The following ZNF431 variants were observed in gnomAD, a reference collection of about 807,000 sequenced individuals.
ZNF431 encodes the protein zinc finger protein 431.
A neutral mutation model predicts 57.0 loss-of-function variants in ZNF431; 34 were observed. The observed-to-expected ratio is 0.60, with a 90% confidence interval of 0.45 to 0.79. The LOEUF is 0.79. Ranked by LOEUF, ZNF431 falls within the 30% of genes least tolerant of loss-of-function variation. The pLI is 0.00. For synonymous variants in ZNF431, 207 were observed against 220.3 expected (o/e 0.94, Z 0.54); for missense variants, 607 against 667.1 (o/e 0.91, Z 0.99).
rs1229760863 is a variant in ZNF431 at position 21,193,502 on chromosome 19, A to C, written c.*9468A>C. The C allele has an allele frequency of 6.6e-6, 1 of 152,260 alleles. No individual in the cohort carries two copies. The highest frequency in any genetic ancestry group is 1.5e-5 in the Non-Finnish European group (1 of 68,068). 9.4% of individuals were successfully genotyped at this position (152,260 alleles called of 1,614,324 possible). On this transcript the variant is annotated 3_prime_UTR_variant, in exon 5 of 5. Transcript: ENST00000311048. Reference sequence around the variant, plus strand: ...AGATCGCGCCATTGCACTCCAGCCTAGGCAATGAGTGAAACTCCATCTCAA... The same window carrying C: ...AGATCGCGCCATTGCACTCCAGCCTCGGCAATGAGTGAAACTCCATCTCAA...
chr19:21,150,091 G>A (rs1970227892), intron 2 of ZNF431: 6 of 639,060 alleles, frequency 9.4e-6, no homozygotes, highest in Middle Eastern at 4.4e-4. Context: ...CTTTCTTCTC[G>A]GCCCGGGCCA....
chr19:21,188,452 C>G lies in ZNF431; in HGVS notation c.*4418C>G, dbSNP rs1001307441. On this transcript the variant is annotated 3_prime_UTR_variant, in exon 5 of 5. Transcript: ENST00000311048. ...AGTAAACAATTTTAAAGTTAATTTT[C>G]TATGATATACTTACAGCACAACTTA... The G allele has an allele frequency of 6.6e-6, 1 of 152,040 alleles. No homozygotes were observed. The highest frequency in any genetic ancestry group is 2.4e-5 in the African/African-American group (1 of 41,396). The allele number at this position is 152,040 out of a possible 1,614,324, so 9.4% of individuals were successfully genotyped here.
intron 2 of ZNF431, among the ~76,000 whole-genome samples, chr19:21,148,403 G>A (rs1335596013): frequency 6.6e-6 from 1 of 152,172 alleles, no homozygotes; most frequent in Non-Finnish European, 1.5e-5. Context: ...TGTTAGAGTA[G>A]ATCAGTGCTT....
intron 1 of ZNF431, among the ~76,000 whole-genome samples, chr19:21,143,177 C>T (rs1224493438): frequency 6.6e-6 from 1 of 151,868 alleles, no homozygotes; most frequent in Non-Finnish European, 1.5e-5. Flanking sequence ...TTTTCTATAC[C>T]GTATTTTAAT....
At chr19:21,149,945 A>T (rs559770533) in intron 2 of ZNF431, 2 of 599,164 alleles carry the variant, frequency 3.3e-6, no homozygotes, top group Non-Finnish European at 6.2e-6. Flanking sequence ...CAAGAAGACA[A>T]CCAGCTTGAT....
chr19:21,172,484 G>A (rs929323614), intron 4 of ZNF431, among the ~76,000 whole-genome samples: 1 of 151,104 alleles, frequency 6.6e-6, no homozygotes, highest in African/African-American at 2.4e-5. Flanking sequence ...ATAAAATTTA[G>A]CATCTTAAAT....
At chr19:21,165,092 CAAAAA>C (rs58552017) in intron 2 of ZNF431, among the ~76,000 whole-genome samples, 2 of 132,918 alleles carry the variant, frequency 1.5e-5, no homozygotes, top group Admixed American at 7.6e-5. Flanking sequence ...CTGGGCAACT[CAAAAA>C]AAAAAAAAAA....
chr19:21,189,123 T>G lies in ZNF431; in HGVS notation c.*5089T>G, dbSNP rs1163447676. ...TAATGTGACAGGTAGAATCTGTACTTTTTCTGTAGAACGTAATATTTTGAA... is the reference window on the plus strand; with the variant it reads ...TAATGTGACAGGTAGAATCTGTACTGTTTCTGTAGAACGTAATATTTTGAA... On this transcript the variant is annotated 3_prime_UTR_variant, in exon 5 of 5. Coordinates refer to ENST00000311048, the MANE Select transcript of ZNF431 (RefSeq NM_133473.4). The G allele has an allele frequency of 1.3e-5, 2 of 152,218 alleles. No homozygotes were observed. Among genetic ancestry groups the G allele is most frequent in the African/African-American group, 4.8e-5 (2 of 41,456 alleles). 9.4% of individuals were successfully genotyped at this position (152,218 alleles called of 1,614,324 possible).
intron 4 of ZNF431, chr19:21,175,467 A>C (rs759740694): frequency 2.7e-5 from 19 of 695,666 alleles, no homozygotes; most frequent in Non-Finnish European, 4.2e-5. Context: ...CATGTGCAGG[A>C]TGTGCAGGTT....
chr19:21,148,299 A>G (rs2144928790), intron 2 of ZNF431, among the ~76,000 whole-genome samples: 1 of 152,258 alleles, frequency 6.6e-6, no homozygotes, highest in African/African-American at 2.4e-5. Flanking sequence ...CCGGCCTCTT[A>G]ATGAATCTTT....
At chr19:21,169,823 C>T (rs139230916) in intron 4 of ZNF431, 89 of 398,524 alleles carry the variant, frequency 2.2e-4, no homozygotes, top group African/African-American at 1.4e-3. Flanking sequence ...TCATGATCTG[C>T]GGCTCAGAGA....
chr19:21,153,896 A>G (rs1305774775), intron 2 of ZNF431, among the ~76,000 whole-genome samples: 1 of 152,156 alleles, frequency 6.6e-6, no homozygotes, highest in South Asian at 2.1e-4. Flanking sequence ...TTGTATTTTT[A>G]GTAGAGACGG....
chr19:21,180,939 CA>C (rs1213904711), intron 4 of ZNF431, among the ~76,000 whole-genome samples: 1 of 116,354 alleles, frequency 8.6e-6, no homozygotes, highest in Non-Finnish European at 1.8e-5. Flanking sequence ...GACTCCATAT[CA>C]AAAGAAAAAA....
At chr19:21,163,798 G>C (rs1286171933) in intron 2 of ZNF431, among the ~76,000 whole-genome samples, 1 of 152,110 alleles carries the variant, frequency 6.6e-6, no homozygotes, top group African/African-American at 2.4e-5. Flanking sequence ...GGGATTACAG[G>C]CGTGAGTCAC....
Position 21,183,684 on chromosome 19 carries a change from T to C in ZNF431, c.1381T>C (p.Cys461Arg). The stretch of plus-strand genomic sequence containing the variant: ...AGAGAAACCTTACAAATGTGAAGAA[T>C]GTGGCAAAGCTTTTAGCCAGTCATC... ...TGEKPYKCEE[C>R]GKAFSQSSIL... The change falls in exon 5 of 5, where the codon TGT becomes CGT. Residue 461 changes from cysteine to arginine, a missense_variant. Transcript: ENST00000311048. 3 of 1,613,798 alleles carry C rather than the reference T, an allele frequency of 1.9e-6. No individual in the cohort carries two copies. The highest frequency in any genetic ancestry group is 2.5e-6 in the Non-Finnish European group (3 of 1,179,998).
At chr19:21,173,707 G>C (rs1053452956) in intron 4 of ZNF431, among the ~76,000 whole-genome samples, 3 of 151,680 alleles carry the variant, frequency 2.0e-5, no homozygotes, top group Admixed American at 2.0e-4. Flanking sequence ...TATATTTTTA[G>C]TAGAGATGGG....
In ZNF431 at chr19:21,142,177, C is replaced by T. The variant is rs562494198; in HGVS notation, c.-7C>T. 1 of 1,613,056 alleles carries T rather than the reference C, an allele frequency of 6.2e-7. No individual in the cohort carries two copies. The highest frequency in any genetic ancestry group is 8.5e-7 in the Non-Finnish European group (1 of 1,179,314). On this transcript the variant is annotated 5_prime_UTR_variant, in exon 1 of 5. Coordinates refer to ENST00000311048, the MANE Select transcript of ZNF431 (RefSeq NM_133473.4). ...CTAAGACACCGGGACCCCCTGAAAGCCTAGAAATGGTGAGAGTGCCGGGTC... is the reference window on the plus strand; with the variant it reads ...CTAAGACACCGGGACCCCCTGAAAGTCTAGAAATGGTGAGAGTGCCGGGTC...
chr19:21,185,389 T>C lies in ZNF431; in HGVS notation c.*1355T>C, dbSNP rs1971343406. On this transcript the variant is annotated 3_prime_UTR_variant, in exon 5 of 5. Transcript: ENST00000311048. The stretch of plus-strand genomic sequence containing the variant: ...GAAATTATTTCCTGTTGTTTCTTCA[T>C]TCCTATTGGATTCACATGTGAAAGC... 6.6e-6 allele frequency: 1 copy of C among 152,236 alleles called. No homozygotes were observed. Among genetic ancestry groups the C allele is most frequent in the African/African-American group, 2.4e-5 (1 of 41,472 alleles). The allele number at this position is 152,236 out of a possible 1,614,324, so 9.4% of individuals were successfully genotyped here.
chr19:21,170,940 T>C (rs965824110), intron 4 of ZNF431, among the ~76,000 whole-genome samples: 2 of 152,252 alleles, frequency 1.3e-5, no homozygotes, highest in African/African-American at 4.8e-5. Flanking sequence ...CCCAGATTGC[T>C]GGGATTACAG....
Sources: gnomAD v4.1 joint callset for allele counts (sites outside exome capture counted in the v4.1 genomes callset) on GRCh38, gnomAD v4.1.1 for gene constraint, MANE v1.5 for transcripts, NCBI Gene and HGNC (gene_info 2026-07-23, HGNC 2026-07-21) for gene names.